CSMD1: variants seen among roughly 807,000 people sequenced by gnomAD.
CSMD1 encodes CUB and Sushi multiple domains 1.
In CSMD1, 213 loss-of-function variants were observed where a neutral mutation model predicts 417.5. That is an observed-to-expected ratio of 0.51 (90% CI 0.46 to 0.57). The LOEUF is 0.57. CSMD1 is among the 20% of genes least tolerant of loss of function. The probability of loss-of-function intolerance (pLI) is 0.00; values close to 1 mark genes in which losing one functional copy is unlikely to be tolerated. For missense variants in CSMD1, 6,923 were observed against 4,529.7 expected (o/e 1.53, Z -15.17); for synonymous variants, 2,862 against 1,736.8 (o/e 1.65, Z -16.11).
chr8:3,040,387 A>AATATATATATATATATATATATAT (rs35722761), intron 50 of CSMD1, among the ~76,000 whole-genome samples: 4 of 137,554 alleles, frequency 2.9e-5, no homozygotes, highest in Admixed American at 7.5e-5. Flanking sequence ...TACACATTGA[A>AATATATATATATATATATATATAT]ATATATATAT....
At chr8:3,580,291 T>C (rs1374286261) in intron 9 of CSMD1, among the ~76,000 whole-genome samples, 1 of 151,958 alleles carries the variant, frequency 6.6e-6, no homozygotes, top group Non-Finnish European at 1.5e-5. Context: ...ATAAAAGATT[T>C]GTAAAGTGAG....
At chr8:4,257,149 A>G (rs1268052698) in intron 3 of CSMD1, among the ~76,000 whole-genome samples, 1 of 152,146 alleles carries the variant, frequency 6.6e-6, no homozygotes, top group Non-Finnish European at 1.5e-5. Flanking sequence ...ACCTAGGGCA[A>G]ATTACTAAAA....
chr8:4,450,726 T>C (rs1344166414), intron 2 of CSMD1, among the ~76,000 whole-genome samples: 2 of 152,158 alleles, frequency 1.3e-5, no homozygotes, highest in African/African-American at 4.8e-5. Context: ...ATGTCAAACA[T>C]TTAACAGAAT....
chr8:4,121,442 C>G (rs1190842029), intron 3 of CSMD1, among the ~76,000 whole-genome samples: 1 of 152,130 alleles, frequency 6.6e-6, no homozygotes, highest in Non-Finnish European at 1.5e-5. Context: ...GCCCACCACA[C>G]CGGTCAAGGG....
At chr8:3,984,406 G>A (rs899121718) in intron 5 of CSMD1, among the ~76,000 whole-genome samples, 33 of 152,174 alleles carry the variant, frequency 2.2e-4, no homozygotes, top group Admixed American at 7.9e-4. Context: ...AAACTGGTGA[G>A]TACTTTTGGT....
chr8:4,159,749 C>A (rs569006764), intron 3 of CSMD1, among the ~76,000 whole-genome samples: 3 of 152,130 alleles, frequency 2.0e-5, no homozygotes, highest in Non-Finnish European at 2.9e-5. Context: ...CCACCACGCC[C>A]GGCTAATTTT....
chr8:3,366,307 A>G (rs13266825), intron 20 of CSMD1, among the ~76,000 whole-genome samples: 34,701 of 151,978 alleles, frequency 0.23, 4,024 homozygotes, highest in Middle Eastern at 0.28. Context: ...TTCACTGAGC[A>G]TCATTTGTTT....
At chr8:4,105,451 A>T (rs1025044870) in intron 3 of CSMD1, among the ~76,000 whole-genome samples, 1 of 152,220 alleles carries the variant, frequency 6.6e-6, no homozygotes, top group South Asian at 2.1e-4. Flanking sequence ...TTAATGATGT[A>T]TTCATTCAGT....
At chr8:4,105,609 G>A (rs1168816151) in intron 3 of CSMD1, among the ~76,000 whole-genome samples, 4 of 152,188 alleles carry the variant, frequency 2.6e-5, no homozygotes, top group African/African-American at 9.7e-5. Context: ...CAGCAGAAGA[G>A]GAAACAGGGA....
intron 50 of CSMD1, among the ~76,000 whole-genome samples, chr8:3,050,837 T>C (rs1320222792): frequency 1.3e-5 from 2 of 152,182 alleles, no homozygotes; most frequent in Admixed American, 6.5e-5. Context: ...ATGACCAAAA[T>C]ACTGTAGACA....
chr8:3,381,596 A>G (rs1810630298), intron 18 of CSMD1, among the ~76,000 whole-genome samples: 1 of 152,210 alleles, frequency 6.6e-6, no homozygotes, highest in Non-Finnish European at 1.5e-5. Context: ...CATCGTCTAT[A>G]TGACATCCTT....
chr8:3,578,410 C>CGAGGCAG (rs1002337766), intron 9 of CSMD1, among the ~76,000 whole-genome samples: 1 of 151,988 alleles, frequency 6.6e-6, no homozygotes, highest in Non-Finnish European at 1.5e-5. Flanking sequence ...CAGCAGCCTG[C>CGAGGCAG]GAGGCAGGAA....
At chr8:4,264,204 C>G (rs1261825192) in intron 3 of CSMD1, among the ~76,000 whole-genome samples, 1 of 152,102 alleles carries the variant, frequency 6.6e-6, no homozygotes, top group East Asian at 1.9e-4. Flanking sequence ...TGATTACCAA[C>G]GTGACTACAA....
intron 1 of CSMD1, among the ~76,000 whole-genome samples, chr8:4,775,891 A>G (rs549395652): frequency 6.6e-6 from 1 of 152,328 alleles, no homozygotes; most frequent in South Asian, 2.1e-4. Context: ...AAAGGCAGAG[A>G]GAGGACAAGT....
At chr8:4,436,212 T>G (rs2129637300) in intron 2 of CSMD1, among the ~76,000 whole-genome samples, 1 of 152,318 alleles carries the variant, frequency 6.6e-6, no homozygotes, top group African/African-American at 2.4e-5. Context: ...TTCTTATGCC[T>G]CATATTAACT....
At chr8:2,987,759 G>A (rs537984800) in intron 54 of CSMD1, among the ~76,000 whole-genome samples, 7 of 152,188 alleles carry the variant, frequency 4.6e-5, no homozygotes, top group Admixed American at 3.3e-4. Flanking sequence ...CCAGCGGCGC[G>A]CATAAGGGCA....
At chr8:4,769,636 T>C (rs1165171715) in intron 1 of CSMD1, among the ~76,000 whole-genome samples, 1 of 152,202 alleles carries the variant, frequency 6.6e-6, no homozygotes, top group Admixed American at 6.5e-5. Flanking sequence ...AAATTTCATC[T>C]GTTGAAAAAG....
chr8:3,434,768 T>C (rs777431127), intron 12 of CSMD1, among the ~76,000 whole-genome samples: 1 of 152,238 alleles, frequency 6.6e-6, no homozygotes, highest in African/African-American at 2.4e-5. Flanking sequence ...TCCCATCTTG[T>C]ATTCATCTCC....
At chr8:3,487,547 C>A in intron 11 of CSMD1, among the ~76,000 whole-genome samples, 2 of 152,218 alleles carry the variant, frequency 1.3e-5, no homozygotes, top group Middle Eastern at 6.8e-3. Flanking sequence ...ATATATAAAT[C>A]GATACATCTA....
Sources: gnomAD v4.1 joint callset for allele counts (sites outside exome capture counted in the v4.1 genomes callset) on GRCh38, gnomAD v4.1.1 for gene constraint, MANE v1.5 for transcripts, NCBI Gene and HGNC (gene_info 2026-07-23, HGNC 2026-07-21) for gene names.